The following HDAC4 variants were observed in gnomAD, a reference collection of about 807,000 sequenced individuals.
HDAC4 encodes histone deacetylase 4, also known as histone deacetylase A.
Under a neutral mutation model 135.1 loss-of-function variants are expected in HDAC4, and 16 were observed. The ratio of observed to expected loss-of-function variants is 0.12; its 90% confidence interval spans 0.08 to 0.18. The LOEUF is 0.18. HDAC4 is among the 10% of genes least tolerant of loss of function. HDAC4 has a pLI of 1.00. For synonymous variants in HDAC4, 685 were observed against 653.4 expected (o/e 1.05, Z -0.74); for missense variants, 1,143 against 1,511.8 (o/e 0.76, Z 4.05).
At chr2:239,193,780 C>T (rs1375953306) in intron 3 of HDAC4, among the ~76,000 whole-genome samples, 2 of 152,222 alleles carry the variant, frequency 1.3e-5, no homozygotes, top group African/African-American at 4.8e-5. Context: ...GTTGGCTGGC[C>T]GAGTGGAATT....
intron 6 of HDAC4, 135 bp downstream of exon 6, chr2:239,163,668 T>C (rs955865422): frequency 1.1e-5 from 10 of 934,450 alleles, no homozygotes; most frequent in Admixed American, 1.0e-4. Context: ...AGCACCACTG[T>C]GCTTGGGGTT....
At position 239,050,496 on chromosome 2, in the gene HDAC4, CAA is replaced by C. The variant is rs1188132181; in HGVS notation, c.*2599_*2600del. On this transcript the variant is annotated 3_prime_UTR_variant, in exon 27 of 27. Transcript: ENST00000543185. ...CCTCTTGCCAATCTGGGCTTCAGAG[CAA>C]AGAGTGGCCACCAGGGAGGGGAAAG... is the stretch of plus-strand genomic sequence containing the variant. 2 of 152,496 alleles carry C rather than the reference CAA, an allele frequency of 1.3e-5. No individual in the cohort carries two copies. The highest frequency in any genetic ancestry group is 2.4e-5 in the African/African-American group (1 of 41,438). 9.4% of individuals were successfully genotyped at this position (152,496 alleles called of 1,614,324 possible). A position where few individuals can be genotyped will look rare whatever the true frequency, so the allele number is the denominator to read the frequency against.
At position 239,370,923 on chromosome 2, in the gene HDAC4, G is replaced by C. The variant is rs1694563465; in HGVS notation, c.-219-18005C>G. On this transcript the variant is annotated intron_variant, in intron 1 of 26. Coordinates refer to ENST00000543185, the MANE Select transcript of HDAC4 (RefSeq NM_001378414.1). ...ATGCCCCTCATCTCCTAGTTGGATA[G>C]TCGATGACAGCTGCCATCTAGGGCA... Among the ~76,000 whole-genome samples the C allele has an allele frequency of 2.6e-5, 4 of 152,232 alleles. No homozygotes were observed. In the South Asian group the frequency reaches 8.3e-4, roughly 32 times the overall value.
intron 12 of HDAC4, among the ~76,000 whole-genome samples, chr2:239,118,418 T>G (rs2039333684): frequency 6.6e-6 from 1 of 152,046 alleles, no homozygotes; most frequent in African/African-American, 2.4e-5. Flanking sequence ...TGGGAACCAG[T>G]AGGCGGCGTG....
chr2:239,259,602 C>T (rs1279593382), intron 2 of HDAC4, among the ~76,000 whole-genome samples: 5 of 152,188 alleles, frequency 3.3e-5, no homozygotes, highest in Admixed American at 6.5e-5. Context: ...TCCTCATATT[C>T]GGGTTCCACT....
At chr2:239,379,142 A>G (rs1695236175) in intron 1 of HDAC4, among the ~76,000 whole-genome samples, 1 of 152,168 alleles carries the variant, frequency 6.6e-6, no homozygotes, top group East Asian at 1.9e-4. Context: ...CACTCCAGGA[A>G]GGCAGGAGCT....
At chr2:239,105,963 G>T (rs2038091815) in intron 15 of HDAC4, among the ~76,000 whole-genome samples, 1 of 152,202 alleles carries the variant, frequency 6.6e-6, no homozygotes, top group African/African-American at 2.4e-5. Flanking sequence ...TGCCCCACGT[G>T]TGGGAGCAAG....
In HDAC4 at chr2:239,111,713, C is replaced by T. The variant is rs2152799881; in HGVS notation, c.1792-1G>A. On this transcript the variant is annotated splice_acceptor_variant, in intron 13 of 26. Transcript: ENST00000543185. LOFTEE classifies it high-confidence loss of function. ...GCTGCTGCTCCAGCAGGAGGGCTTG[C>T]TGCGGGGAAGAAACGGCCGTGTTGG... The T allele has an allele frequency of 6.3e-7, 1 of 1,593,692 alleles. No individual in the cohort carries two copies. The highest frequency in any genetic ancestry group is 2.3e-5 in the East Asian group (1 of 43,558).
intron 1 of HDAC4, among the ~76,000 whole-genome samples, chr2:239,373,507 C>T (rs1280633132): frequency 6.6e-6 from 1 of 152,228 alleles, no homozygotes; most frequent in East Asian, 1.9e-4. Context: ...CTCACTCTGT[C>T]GCCCAGGCTG....
intron 3 of HDAC4, among the ~76,000 whole-genome samples, chr2:239,219,849 A>G (rs1014058785): frequency 2.6e-5 from 4 of 152,250 alleles, no homozygotes; most frequent in African/African-American, 9.6e-5. Flanking sequence ...TGAGGCACAC[A>G]CTGTGGGTAC....
intron 2 of HDAC4, among the ~76,000 whole-genome samples, chr2:239,264,794 G>A (rs1382999335): frequency 6.6e-6 from 1 of 152,200 alleles, no homozygotes; most frequent in Non-Finnish European, 1.5e-5. Flanking sequence ...ACACTGTGCA[G>A]GGGGGACACC....
At chr2:239,080,943 A>C (rs1330334412) in intron 22 of HDAC4, 152 bp downstream of exon 22, 4 of 617,236 alleles carry the variant, frequency 6.5e-6, no homozygotes, top group Non-Finnish European at 5.8e-6. Flanking sequence ...CTTGGCACTG[A>C]AGAATGAACT....
intron 2 of HDAC4, among the ~76,000 whole-genome samples, chr2:239,329,933 C>T (rs1691451275): frequency 6.6e-6 from 1 of 152,014 alleles, no homozygotes; most frequent in South Asian, 2.1e-4. Context: ...GCTTCCCTCC[C>T]CCAGCCGGAG....
chr2:239,228,321 G>A (rs575232987), intron 3 of HDAC4, among the ~76,000 whole-genome samples: 1 of 152,312 alleles, frequency 6.6e-6, no homozygotes, highest in East Asian at 1.9e-4. Context: ...CCAGGCCTTG[G>A]AGCAACTCAG....
intron 22 of HDAC4, among the ~76,000 whole-genome samples, chr2:239,079,986 A>G (rs898040338): frequency 4.7e-5 from 7 of 148,610 alleles, no homozygotes; most frequent in African/African-American, 1.6e-4. Flanking sequence ...ACACACCTGC[A>G]GACATGCACA....
At chr2:239,179,942 A>T (rs2044036625) in intron 4 of HDAC4, among the ~76,000 whole-genome samples, 1 of 152,154 alleles carries the variant, frequency 6.6e-6, no homozygotes, top group Non-Finnish European at 1.5e-5. Flanking sequence ...TCTGAATGTG[A>T]GTGAGCGCGT....
At chr2:239,318,060 C>G (rs988925607) in intron 2 of HDAC4, among the ~76,000 whole-genome samples, 2 of 152,130 alleles carry the variant, frequency 1.3e-5, no homozygotes, top group African/African-American at 4.8e-5. Flanking sequence ...GCCACCACCA[C>G]GACAACAACA....
intron 2 of HDAC4, among the ~76,000 whole-genome samples, chr2:239,258,696 G>A (rs1234382003): frequency 1.3e-5 from 2 of 152,122 alleles, no homozygotes; most frequent in African/African-American, 4.8e-5. Flanking sequence ...AATGAAAAGG[G>A]TTTACACGTG....
intron 22 of HDAC4, among the ~76,000 whole-genome samples, chr2:239,078,225 G>C (rs867913596): frequency 6.6e-6 from 1 of 152,310 alleles, no homozygotes; most frequent in Middle Eastern, 3.4e-3. Context: ...TTTGAATTAA[G>C]GTTCCCTTTT....
Sources: allele counts gnomAD v4.1 joint callset (sites outside exome capture counted in the v4.1 genomes callset), GRCh38; gene constraint gnomAD v4.1.1; transcripts MANE v1.5; gene names NCBI Gene and HGNC (gene_info 2026-07-23, HGNC 2026-07-21).